The following RGS22 variants were observed in gnomAD, a reference collection of about 807,000 sequenced individuals.
RGS22 encodes regulator of G protein signaling 22, also known as regulator of G-protein signaling 22.
RGS22 carries 148 observed loss-of-function variants against 172.9 expected under a neutral mutation model. The ratio of observed to expected loss-of-function variants is 0.86; its 90% CI spans 0.75 to 0.98. The LOEUF is 0.98. Among genes scored for constraint, RGS22 ranks in the 50% least tolerant of loss-of-function variants. The pLI, the probability that RGS22 is intolerant of heterozygous loss-of-function variation, is 0.00. For synonymous variants in RGS22, 458 were observed against 480.2 expected (o/e 0.95, Z 0.60); for missense variants, 1,347 against 1,440.8 (o/e 0.93, Z 1.05).
At chr8:99,976,219 A>C (rs1177637017) in intron 23 of RGS22, among the ~76,000 whole-genome samples, 1 of 152,180 alleles carries the variant, frequency 6.6e-6, no homozygotes. Context: ...ATAAAAATAA[A>C]AAGAATGAAC....
At position 100,014,619 on chromosome 8, in the gene RGS22, T is replaced by C. The variant is rs112716909; in HGVS notation, c.2167-6050A>G. 7.2e-5 allele frequency among the ~76,000 whole-genome samples: 11 copies of C among 152,336 alleles called. 1 individual carries two copies. The highest frequency in any genetic ancestry group is 2.6e-4 in the African/African-American group (11 of 41,576). ...CTCTGACTTCGCCAACCCTTTCTCT[T>C]GATTCTATGCCAATTTCCGCTTCTT... On this transcript the variant is annotated intron_variant, in intron 14 of 27. Transcript: ENST00000360863.
At chr8:100,071,573 T>C in intron 5 of RGS22, 36 bp from the exon 6 acceptor site, 8 of 1,554,572 alleles carry the variant, frequency 5.1e-6, no homozygotes, top group Non-Finnish European at 7.0e-6. Context: ...TAAAACAAGT[T>C]TCAAATATGG....
At chr8:100,026,331 T>A (rs1236961817) in intron 14 of RGS22, among the ~76,000 whole-genome samples, 1 of 152,248 alleles carries the variant, frequency 6.6e-6, no homozygotes, top group Admixed American at 6.5e-5. Flanking sequence ...TACTGAATAA[T>A]TTAATGAATT....
intron 14 of RGS22, among the ~76,000 whole-genome samples, chr8:100,030,573 T>C (rs1418334241): frequency 6.6e-6 from 1 of 152,074 alleles, no homozygotes; most frequent in African/African-American, 2.4e-5. Context: ...AAAGTAAACA[T>C]GAGAAAAAAC....
At chr8:100,032,561 A>G (rs1818944882) in intron 14 of RGS22, among the ~76,000 whole-genome samples, 1 of 152,126 alleles carries the variant, frequency 6.6e-6, no homozygotes, top group African/African-American at 2.4e-5. Context: ...CCCACACAAT[A>G]ATAATGGGAG....
At chr8:100,004,519 A>C (rs1815468931) in intron 16 of RGS22, 1 of 152,096 alleles carries the variant, frequency 6.6e-6, no homozygotes. Flanking sequence ...TAGTTTATAA[A>C]AAATGAAGAA....
chr8:100,007,025 A>G (rs1314689557), intron 15 of RGS22, among the ~76,000 whole-genome samples: 1 of 152,124 alleles, frequency 6.6e-6, no homozygotes, highest in East Asian at 1.9e-4. Flanking sequence ...TGATATCCAA[A>G]TTTCCCTACT....
intron 11 of RGS22, 29 bp downstream of exon 11, chr8:100,047,434 G>A (rs2980542): frequency 0.57 from 890,760 of 1,556,866 alleles, 256,395 homozygotes; most frequent in Admixed American, 0.67. Flanking sequence ...TTGCAGAAAA[G>A]CACTTAACAC....
chr8:100,019,741 A>G lies in RGS22; in HGVS notation c.2167-11172T>C, dbSNP rs150127226. Among the ~76,000 whole-genome samples, 360 of 152,304 alleles carry G rather than the reference A, an allele frequency of 2.4e-3. 3 individuals carry two copies. Among genetic ancestry groups the G allele is most frequent in the African/African-American group, 8.2e-3 (339 of 41,558 alleles). On this transcript the variant is annotated intron_variant, in intron 14 of 27. Transcript: ENST00000360863. ...TTTTAGACCCATTACTCGACTAAAAAGTAAAAGAGGGAATTCTAATCATGT... is the reference window on the plus strand; with the variant it reads ...TTTTAGACCCATTACTCGACTAAAAGGTAAAAGAGGGAATTCTAATCATGT...
chr8:99,997,658 T>C (rs1348373390), intron 19 of RGS22, among the ~76,000 whole-genome samples: 1 of 152,206 alleles, frequency 6.6e-6, no homozygotes, highest in Non-Finnish European at 1.5e-5. Flanking sequence ...TGGCTTTGCA[T>C]ACTAAAGTCC....
chr8:100,076,788 T>C (rs1416943356), intron 4 of RGS22, among the ~76,000 whole-genome samples: 1 of 151,858 alleles, frequency 6.6e-6, no homozygotes, highest in Non-Finnish European at 1.5e-5. Flanking sequence ...AGGCCAGGAG[T>C]TCGAGAGCAG....
intron 21 of RGS22, among the ~76,000 whole-genome samples, chr8:99,986,345 T>G (rs890746133): frequency 1.4e-4 from 22 of 152,208 alleles, no homozygotes; most frequent in African/African-American, 5.1e-4. Context: ...TGGAAATAAA[T>G]TTTATTGAGC....
intron 14 of RGS22, among the ~76,000 whole-genome samples, chr8:100,029,298 T>A (rs1343275730): frequency 6.6e-6 from 1 of 152,204 alleles, no homozygotes; most frequent in African/African-American, 2.4e-5. Flanking sequence ...GAGATAATGA[T>A]GTGTGTTGCT....
chr8:100,042,312 T>C (rs1480825209), intron 11 of RGS22, among the ~76,000 whole-genome samples: 1 of 152,188 alleles, frequency 6.6e-6, no homozygotes, highest in Non-Finnish European at 1.5e-5. Context: ...AGGGGCTCTT[T>C]AGATAGGAAA....
At chr8:100,093,964 A>C (rs1296486711) in intron 2 of RGS22, among the ~76,000 whole-genome samples, 7 of 152,220 alleles carry the variant, frequency 4.6e-5, no homozygotes, top group Admixed American at 2.6e-4. Flanking sequence ...TGCCCAATGA[A>C]AATGATAAAG....
Position 100,093,435 on chromosome 8 carries a change from T to A in RGS22, c.117+12A>T, listed in dbSNP as rs759590188. The A allele has an allele frequency of 6.6e-6, 10 of 1,521,928 alleles. No homozygotes were observed. The highest frequency in any genetic ancestry group is 9.1e-6 in the Non-Finnish European group (10 of 1,104,688). 94.3% of individuals were successfully genotyped at this position (1,521,928 alleles called of 1,614,324 possible). A position where few individuals can be genotyped will look rare whatever the true frequency, so the allele number is the denominator to read the frequency against. On this transcript the variant is annotated intron_variant, in intron 3 of 27. Coordinates refer to ENST00000360863, the MANE Select transcript of RGS22 (RefSeq NM_015668.5). ...ATAATATATATTCAATAGATCATAA[T>A]AATAAACTCACTGGAAGGCTTAGGA...
chr8:99,973,738 G>A (rs113565484), intron 23 of RGS22, among the ~76,000 whole-genome samples: 8,619 of 151,624 alleles, frequency 0.057, 358 homozygotes, highest in African/African-American at 0.12. Context: ...GTGTAGTGGC[G>A]GGCGCCTGTA....
chr8:100,062,759 TA>T lies in RGS22; in HGVS notation c.1353-8del. On this transcript the variant is annotated splice_region_variant and splice_polypyrimidine_tract_variant and intron_variant, in intron 8 of 27. Coordinates refer to ENST00000360863, the MANE Select transcript of RGS22 (RefSeq NM_015668.5). Reference sequence around the variant, plus strand: ...TTTCATCTTCTCAAGATGTCTGAAATAAAACACATTTCCATATATACACACA... The same window carrying T: ...TTTCATCTTCTCAAGATGTCTGAAATAAACACATTTCCATATATACACACA... The T allele has an allele frequency of 6.3e-7, 1 of 1,591,538 alleles. No individual in the cohort carries two copies. Among genetic ancestry groups the T allele is most frequent in the Middle Eastern group, 1.7e-4 (1 of 5,810 alleles).
intron 9 of RGS22, among the ~76,000 whole-genome samples, chr8:100,061,958 T>A (rs923941440): frequency 2.0e-5 from 3 of 152,200 alleles, no homozygotes; most frequent in African/African-American, 7.2e-5. Context: ...CATGGAATAC[T>A]ATGCAGCCAT....
Sources: gnomAD v4.1 joint callset for allele counts (sites outside exome capture counted in the v4.1 genomes callset) on GRCh38, gnomAD v4.1.1 for gene constraint, MANE v1.5 for transcripts, NCBI Gene and HGNC (gene_info 2026-07-23, HGNC 2026-07-21) for gene names.